HPGDS: variants seen among roughly 807,000 people sequenced by gnomAD.
HPGDS encodes the protein GST class-sigma.
A neutral mutation model predicts 23.1 loss-of-function variants in HPGDS; 26 were observed. The observed-to-expected ratio is 1.13, with a 90% CI of 0.83 to 1.56. HPGDS has a LOEUF of 1.56. HPGDS is among the 40% of genes most tolerant of loss of function. The pLI is 0.00. For synonymous variants in HPGDS, 95 were observed against 77.9 expected (o/e 1.22, Z -1.16); for missense variants, 268 against 236.4 (o/e 1.13, Z -0.88).
chr4:94,304,546 A>G (rs1200081923), intron 4 of HPGDS, among the ~76,000 whole-genome samples: 2 of 152,090 alleles, frequency 1.3e-5, no homozygotes, highest in African/African-American at 4.8e-5. Flanking sequence ...TCTGCCTTTG[A>G]AATTTTCACC....
chr4:94,335,749 T>A (rs1247978796), intron 1 of HPGDS, among the ~76,000 whole-genome samples: 2 of 152,326 alleles, frequency 1.3e-5, no homozygotes, highest in South Asian at 2.1e-4. Flanking sequence ...ATAATAATTA[T>A]GGTAACTAAA....
intron 5 of HPGDS, among the ~76,000 whole-genome samples, chr4:94,300,727 A>G (rs1057128833): frequency 8.1e-5 from 9 of 111,156 alleles, no homozygotes; most frequent in Non-Finnish European, 6.7e-5. Context: ...GGGGTTAGGA[A>G]AAAAAAAAAG....
chr4:94,311,121 C>T (rs569620914), intron 3 of HPGDS, among the ~76,000 whole-genome samples: 215 of 152,268 alleles, frequency 1.4e-3, no homozygotes, highest in Non-Finnish European at 2.4e-3. Flanking sequence ...AATTGAATAA[C>T]ATTTATTTCC....
At chr4:94,311,131 C>T (rs1394484174) in intron 3 of HPGDS, among the ~76,000 whole-genome samples, 1 of 152,046 alleles carries the variant, frequency 6.6e-6, no homozygotes, top group Non-Finnish European at 1.5e-5. Context: ...CATTTATTTC[C>T]TTCTCTTGCC....
At chr4:94,309,277 C>A (rs1021982612) in intron 3 of HPGDS, among the ~76,000 whole-genome samples, 5 of 148,032 alleles carry the variant, frequency 3.4e-5, no homozygotes, top group Non-Finnish European at 6.0e-5. Context: ...CGCCTCCCCC[C>A]ACCCCACAAC....
At chr4:94,321,575 G>A (rs1166325948) in intron 2 of HPGDS, among the ~76,000 whole-genome samples, 1 of 152,104 alleles carries the variant, frequency 6.6e-6, no homozygotes, top group Non-Finnish European at 1.5e-5. Flanking sequence ...GTCTGTTATT[G>A]GTGTATAGCA....
intron 1 of HPGDS, among the ~76,000 whole-genome samples, chr4:94,340,316 T>TCTTTTCTTTTC (rs1560598061): frequency 3.5e-4 from 6 of 17,044 alleles, no homozygotes; most frequent in African/African-American, 1.4e-3. Context: ...TTTCTCTTTT[T>TCTTTTCTTTTC]TTTTTTTTTT....
At chr4:94,341,860 C>G (rs1256660016) in intron 1 of HPGDS, among the ~76,000 whole-genome samples, 1 of 152,164 alleles carries the variant, frequency 6.6e-6, no homozygotes, top group Non-Finnish European at 1.5e-5. Context: ...TGGATTCAGA[C>G]AGCAATCATG....
chr4:94,320,990 G>A (rs190283797), intron 2 of HPGDS, among the ~76,000 whole-genome samples: 11,408 of 152,220 alleles, frequency 0.075, 587 homozygotes, highest in Non-Finnish European at 0.11. Context: ...TGGCTAGCCA[G>A]TTTTCCCAGC....
At chr4:94,334,759 A>C in intron 1 of HPGDS, 121 bp from the exon 2 acceptor site, 2 of 820,590 alleles carry the variant, frequency 2.4e-6, no homozygotes, top group South Asian at 4.9e-5. Flanking sequence ...ACATTAGAGG[A>C]TATTTCAAAA....
rs1243814408 is a variant in HPGDS at position 94,302,154 on chromosome 4, C to G, written c.427G>C (p.Gly143Arg). The stretch of plus-strand genomic sequence containing the variant: ...ATATAAAACATACTCACAGAGTTAC[C>G]AATAAGCCATTCTCTCCCCCCTAAA... ...TYLGGREWLI[G>R]NSVTWADFYW... The change falls in exon 5 of 6, where the codon GGT becomes CGT. Residue 143 changes from glycine to arginine, a missense_variant. By Grantham distance (125) the Gly-to-Arg change is moderately radical. Coordinates refer to ENST00000295256, the MANE Select transcript of HPGDS (RefSeq NM_014485.3). 2 of 1,602,470 alleles carry G rather than the reference C, an allele frequency of 1.2e-6. No homozygotes were observed. The highest frequency in any genetic ancestry group is 8.5e-7 in the Non-Finnish European group (1 of 1,170,122).
rs1755978797 is a variant in HPGDS, at chr4:94,298,992, G to T, written c.*488C>A. On this transcript the variant is annotated 3_prime_UTR_variant, in exon 6 of 6. Coordinates refer to ENST00000295256, the MANE Select transcript of HPGDS (RefSeq NM_014485.3). ...ACTACACACTTTGCTATCTATGCAG[G>T]AATAACAGATGTGCAGTGACCTCTG... The T allele has an allele frequency of 1.3e-5, 2 of 152,928 alleles. No individual in the cohort carries two copies. 9.5% of individuals were successfully genotyped at this position (152,928 alleles called of 1,614,324 possible). A position where few individuals can be genotyped will look rare whatever the true frequency, so the allele number is the denominator to read the frequency against.
rs10010986 is a variant in HPGDS at position 94,322,033 on chromosome 4, T to G, written c.134-4068A>C. On this transcript the variant is annotated intron_variant, in intron 2 of 5. Coordinates refer to ENST00000295256, the MANE Select transcript of HPGDS (RefSeq NM_014485.3). Reference sequence around the variant, plus strand: ...TCTATTGAGACGATCATGTGGTTTTTGTCTTTGGTTCTGTTAAGGTGATGG... The same window carrying G: ...TCTATTGAGACGATCATGTGGTTTTGGTCTTTGGTTCTGTTAAGGTGATGG... 2.0e-5 allele frequency among the ~76,000 whole-genome samples: 3 copies of G among 152,176 alleles called. No individual in the cohort carries two copies. The East Asian group carries it at 5.8e-4, about 29-fold the overall frequency.
Position 94,341,089 on chromosome 4 carries a change from G to C in HPGDS, c.-10+1706C>G, listed in dbSNP as rs945659624. Among the ~76,000 whole-genome samples, 4 of 151,320 alleles carry C rather than the reference G, an allele frequency of 2.6e-5. No individual in the cohort carries two copies. The East Asian group carries it at 7.8e-4, about 30-fold the overall frequency. On this transcript the variant is annotated intron_variant, in intron 1 of 5. Transcript: ENST00000295256. ...TAACCTCAGGTGATCCGCCAGCCTC[G>C]GCCTCCCAAAATGTTGGGATTACAG...
chr4:94,303,838 G>C (rs1008390085), intron 4 of HPGDS: 2 of 152,130 alleles, frequency 1.3e-5, no homozygotes, highest in Non-Finnish European at 1.5e-5. Context: ...TGTATATGCA[G>C]AGTCAAATAA....
At position 94,299,523 on chromosome 4, in the gene HPGDS, G is replaced by A; in HGVS notation, c.557C>T (p.Ala186Val). 2 of 1,613,716 alleles carry A rather than the reference G, an allele frequency of 1.2e-6. No homozygotes were observed. Among genetic ancestry groups the A allele is most frequent in the Non-Finnish European group, 1.7e-6 (2 of 1,179,894 alleles). ...CCTTCGTTTTATCCAGTTAGCGACG[G>A]CAGGAATGGCTTGGACTTTCTTCCG... ...TLRKKVQAIP[A>V]VANWIKRRPQ... Residue 186 changes from alanine (A) to valine (V), a missense_variant, in exon 6 of 6, where the codon GCC (alanine) becomes GTC (valine). By Grantham distance (64) the Ala-to-Val change is moderately conservative. Transcript: ENST00000295256.
intron 3 of HPGDS, among the ~76,000 whole-genome samples, chr4:94,310,324 G>T (rs1219107209): frequency 6.6e-6 from 1 of 152,162 alleles, no homozygotes; most frequent in Non-Finnish European, 1.5e-5. Context: ...GTAAGGAAGG[G>T]ATCCAGTTTC....
chr4:94,334,578 T>C lies in HPGDS; in HGVS notation c.52A>G (p.Ile18Val), dbSNP rs1477563022. The C allele has an allele frequency of 6.8e-6, 11 of 1,613,272 alleles. No homozygotes were observed. The highest frequency in any genetic ancestry group is 9.3e-6 in the Non-Finnish European group (11 of 1,179,494). ...TCCAAATAAGCAAATATGTAACGAA[T>C]AATTTCTGCTCTCCCCCTCATATTA... ...YFNMRGRAEIIRYIFAYLDIQ... is the reference protein window; with the variant it reads ...YFNMRGRAEIVRYIFAYLDIQ... The change falls in exon 2 of 6, where the codon ATT becomes GTT. Residue 18 changes from isoleucine to valine, a missense_variant. Transcript: ENST00000295256.
intron 2 of HPGDS, among the ~76,000 whole-genome samples, chr4:94,322,469 C>T (rs547691630): frequency 1.3e-5 from 2 of 152,184 alleles, no homozygotes; most frequent in Non-Finnish European, 2.9e-5. Flanking sequence ...AGGGATTCAA[C>T]TTCTTCCTGG....
Sources: gnomAD v4.1 joint callset for allele counts (sites outside exome capture counted in the v4.1 genomes callset) on GRCh38, gnomAD v4.1.1 for gene constraint, MANE v1.5 for transcripts, NCBI Gene and HGNC (gene_info 2026-07-23, HGNC 2026-07-21) for gene names.